The following CMTM3 variants were observed in gnomAD, a reference collection of about 807,000 sequenced individuals.
CMTM3 encodes CKLF like MARVEL transmembrane domain containing 3.
CMTM3 carries 7 observed loss-of-function variants against 18.2 expected under a neutral mutation model. The observed-to-expected ratio is 0.38, with a 90% confidence interval of 0.22 to 0.72. CMTM3 has a LOEUF of 0.72. Ranked by LOEUF, CMTM3 falls within the 30% of genes least tolerant of loss-of-function variation. The pLI, the probability that CMTM3 is intolerant of heterozygous loss-of-function variation, is 0.46. For synonymous variants in CMTM3, 109 were observed against 111.2 expected, an observed-to-expected ratio of 0.98 and a Z score of 0.12; for missense variants, 227 against 249.2, an observed-to-expected ratio of 0.91 and a Z score of 0.60.
chr16:66,610,108 C>A lies in CMTM3; in HGVS notation c.520+105C>A. 7.0e-7 allele frequency: 1 copy of A among 1,432,172 alleles called. No individual in the cohort carries two copies. Among genetic ancestry groups the A allele is most frequent in the South Asian group, 1.3e-5 (1 of 79,812 alleles). 88.7% of individuals were successfully genotyped at this position (1,432,172 alleles called of 1,614,324 possible). On this transcript the variant is annotated intron_variant, in intron 4 of 4. Transcript: ENST00000567572. This position sits in a 1 kb window ranked among gnomAD's most constrained non-coding sequence, Gnocchi z 4.6. ...TGGGGTGGGATCATTTCCTCTCTCC[C>A]CATGGCAGGAAGTGTTTTCACAGCC...
chr16:66,606,659 C>T (rs2015166267), intron 1 of CMTM3, among the ~76,000 whole-genome samples: 1 of 152,128 alleles, frequency 6.6e-6, no homozygotes, highest in Non-Finnish European at 1.5e-5. Context: ...AAACCAGGGA[C>T]AGATGGCCTC....
Position 66,609,589 on chromosome 16 carries a change from G to A in CMTM3, c.399+59G>A. 1 of 1,532,622 alleles carries A rather than the reference G, an allele frequency of 6.5e-7. No individual in the cohort carries two copies. The highest frequency in any genetic ancestry group is 2.0e-5 in the Admixed American group (1 of 51,194). The allele number at this position is 1,532,622 out of a possible 1,614,324, so 94.9% of individuals were successfully genotyped here. On this transcript the variant is annotated intron_variant, in intron 3 of 4. Coordinates refer to ENST00000567572, the MANE Select transcript of CMTM3 (RefSeq NM_181553.4). The surrounding 1 kb of genome is among the most constrained non-coding windows in gnomAD (Gnocchi z 4.4). ...GATGCCCCTCTAGCCCCTCATTTAGGGTGGGACCTGGGGCAGAGCCTTTCC... is the reference window on the plus strand; with the variant it reads ...GATGCCCCTCTAGCCCCTCATTTAGAGTGGGACCTGGGGCAGAGCCTTTCC...
rs2015299034 is a variant in CMTM3 at position 66,609,651 on chromosome 16, A to G, written c.399+121A>G. The G allele has an allele frequency of 3.3e-6, 5 of 1,521,792 alleles. No individual in the cohort carries two copies. In the South Asian group the frequency reaches 6.0e-5, roughly 18 times the overall value. 94.3% of individuals were successfully genotyped at this position (1,521,792 alleles called of 1,614,324 possible). A position where few individuals can be genotyped will look rare whatever the true frequency, so the allele number is the denominator to read the frequency against. On this transcript the variant is annotated intron_variant, in intron 3 of 4. Transcript: ENST00000567572. This position sits in a 1 kb window ranked among gnomAD's most constrained non-coding sequence, Gnocchi z 4.4. Reference sequence around the variant, plus strand: ...CCCCTGGGGTCTCATGTGGGTCCCGATGATGATTCCAAAGTCCTCTCATTA... The same window carrying G: ...CCCCTGGGGTCTCATGTGGGTCCCGGTGATGATTCCAAAGTCCTCTCATTA...
rs1326714056 is a variant in CMTM3, at chr16:66,605,486, T to A, written c.147+534T>A. The stretch of plus-strand genomic sequence containing the variant: ...TCCCCTCCGCGGCCGGGCTCCTTCC[T>A]ACTCCGCCCTCGCCCCCACCCCGGC... On this transcript the variant is annotated intron_variant, in intron 1 of 4. Transcript: ENST00000567572. The surrounding 1 kb of genome is among the most constrained non-coding windows in gnomAD (Gnocchi z 4.6). The A allele has an allele frequency of 1.3e-5, 2 of 152,620 alleles. No homozygotes were observed. The highest frequency in any genetic ancestry group is 4.8e-5 in the African/African-American group (2 of 41,452). 9.5% of individuals were successfully genotyped at this position (152,620 alleles called of 1,614,324 possible).
intron 4 of CMTM3, among the ~76,000 whole-genome samples, chr16:66,611,546 G>A (rs1231266376): frequency 6.6e-6 from 1 of 152,154 alleles, no homozygotes. Flanking sequence ...GGACTAGGCT[G>A]CCCACACCCC....
rs1438431517 is a variant in CMTM3, at chr16:66,605,035, C to T, written c.147+83C>T. 8 of 1,238,948 alleles carry T rather than the reference C, an allele frequency of 6.5e-6. No individual in the cohort carries two copies. Among genetic ancestry groups the T allele is most frequent in the Middle Eastern group, 2.8e-4 (1 of 3,600 alleles). 76.7% of individuals were successfully genotyped at this position (1,238,948 alleles called of 1,614,324 possible). ...AGGACGTCGGGGCGCGGGTGGGGTC[C>T]GGGGGCGGCCGCCGTGCTCCGATAC... On this transcript the variant is annotated intron_variant, in intron 1 of 4. Coordinates refer to ENST00000567572, the MANE Select transcript of CMTM3 (RefSeq NM_181553.4). The surrounding 1 kb of genome is among the most constrained non-coding windows in gnomAD (Gnocchi z 4.6).
Position 66,612,491 on chromosome 16 carries a change from C to A in CMTM3, c.521-118C>A. The A allele has an allele frequency of 1.0e-6, 1 of 999,048 alleles. No individual in the cohort carries two copies. Among genetic ancestry groups the A allele is most frequent in the Non-Finnish European group, 1.5e-6 (1 of 656,336 alleles). 61.9% of individuals were successfully genotyped at this position (999,048 alleles called of 1,614,324 possible). A position where few individuals can be genotyped will look rare whatever the true frequency, so the allele number is the denominator to read the frequency against. On this transcript the variant is annotated intron_variant, in intron 4 of 4. Transcript: ENST00000567572. This position sits in a 1 kb window ranked among gnomAD's most constrained non-coding sequence, Gnocchi z 6.0. ...CGATCACTGGGAACGGTAGAGTCAGCTGCAGGAGGCCTGCACCCAGGCTCC... is the reference window on the plus strand; with the variant it reads ...CGATCACTGGGAACGGTAGAGTCAGATGCAGGAGGCCTGCACCCAGGCTCC...
chr16:66,604,700 A>T, upstream of CMTM3: 1 of 887,010 alleles, frequency 1.1e-6, no homozygotes, highest in South Asian at 5.5e-5. Flanking sequence ...CCCCTGCGCG[A>T]GCCAGTGTCG....
At position 66,609,614 on chromosome 16, in the gene CMTM3, C is replaced by T. The variant is rs2144747748; in HGVS notation, c.399+84C>T. 2.4e-5 allele frequency: 36 copies of T among 1,516,630 alleles called. No homozygotes were observed. In the South Asian group the frequency reaches 4.3e-4, roughly 18 times the overall value. The allele number at this position is 1,516,630 out of a possible 1,614,324, so 93.9% of individuals were successfully genotyped here. ...GGTGGGACCTGGGGCAGAGCCTTTC[C>T]CTGCTGGGGCCCCCCTGGGGTCTCA... On this transcript the variant is annotated intron_variant, in intron 3 of 4. Transcript: ENST00000567572. The surrounding 1 kb of genome is among the most constrained non-coding windows in gnomAD (Gnocchi z 4.4).
At position 66,612,392 on chromosome 16, in the gene CMTM3, CA is replaced by C. The variant is rs147051106; in HGVS notation, c.521-207del. ...CTGTCTCAAAGACAAAAAACAACAA[CA>C]AAAAAAAAAGAGAGAGAGAAAGTGG... On this transcript the variant is annotated intron_variant, in intron 4 of 4. Coordinates refer to ENST00000567572, the MANE Select transcript of CMTM3 (RefSeq NM_181553.4). This position sits in a 1 kb window ranked among gnomAD's most constrained non-coding sequence, Gnocchi z 6.0. Among the ~76,000 whole-genome samples, 20 of 147,788 alleles carry C rather than the reference CA, an allele frequency of 1.4e-4. No homozygotes were observed. Among genetic ancestry groups the C allele is most frequent in the East Asian group, 5.9e-4 (3 of 5,072 alleles).
rs1567397777 is a variant in CMTM3 at position 66,613,402 on chromosome 16, C to T, written c.*765C>T. 4.8e-6 allele frequency: 2 copies of T among 414,862 alleles called. No individual in the cohort carries two copies. Among genetic ancestry groups the T allele is most frequent in the Non-Finnish European group, 8.8e-6 (2 of 228,334 alleles). The allele number at this position is 414,862 out of a possible 1,614,324, so 25.7% of individuals were successfully genotyped here. A position where few individuals can be genotyped will look rare whatever the true frequency, so the allele number is the denominator to read the frequency against. On this transcript the variant is annotated 3_prime_UTR_variant, in exon 5 of 5. Transcript: ENST00000567572. ...GGGGAGCTGGGCGGGCCCAGCCAAA[C>T]CCTCCTTCTTCCTAGAGCCCAGCCA...
chr16:66,607,663 T>C (rs1457796892), intron 1 of CMTM3, among the ~76,000 whole-genome samples: 2 of 152,300 alleles, frequency 1.3e-5, no homozygotes, highest in South Asian at 2.1e-4. Flanking sequence ...TGGAAACTGG[T>C]TCCTGCCTCG....
In CMTM3 at chr16:66,609,349, C is replaced by A; in HGVS notation, c.304-86C>A. The stretch of plus-strand genomic sequence containing the variant: ...GAGCCCTCAGGTGCTAGGCCTGGGG[C>A]TGGGAACACGACCAGGCTGCCAGGC... On this transcript the variant is annotated intron_variant, in intron 2 of 4. Coordinates refer to ENST00000567572, the MANE Select transcript of CMTM3 (RefSeq NM_181553.4). This position sits in a 1 kb window ranked among gnomAD's most constrained non-coding sequence, Gnocchi z 4.4. 2.5e-6 allele frequency: 3 copies of A among 1,194,028 alleles called. 1 individual carries two copies. The highest frequency in any genetic ancestry group is 2.6e-5 in the South Asian group (2 of 76,234). The allele number at this position is 1,194,028 out of a possible 1,614,324, so 74.0% of individuals were successfully genotyped here.
rs770223705 is a variant in CMTM3, at chr16:66,609,525, G to A, written c.394G>A (p.Ala132Thr). 119 of 1,597,142 alleles carry A rather than the reference G, an allele frequency of 7.5e-5. No individual in the cohort carries two copies. The highest frequency in any genetic ancestry group is 1.6e-4 in the Middle Eastern group (1 of 6,070). Residue 132 changes from alanine (A) to threonine (T), a missense_variant, in exon 3 of 5, where the codon GCT becomes ACT. Transcript: ENST00000567572. This position sits in a 1 kb window ranked among gnomAD's most constrained non-coding sequence, Gnocchi z 4.4. ...AKYSDGASKA[A>T]GVFGFFATIV... ...GTACTCGGATGGGGCTTCCAAAGCC[G>A]CTGGGGTGAGCAGCCGCCCCACCCC...
rs1019880071 is a variant in CMTM3 at position 66,604,820 on chromosome 16, C to A, written c.15C>A (p.Asp5Glu). The A allele has an allele frequency of 1.0e-5, 13 of 1,301,902 alleles. No homozygotes were observed. In the South Asian group the frequency reaches 1.6e-4, roughly 16 times the overall value. 80.6% of individuals were successfully genotyped at this position (1,301,902 alleles called of 1,614,324 possible). Residue 5 changes from aspartate to glutamate, a missense_variant, in exon 1 of 5, where the codon GAC becomes GAA. Asp to Glu is a conservative substitution (Grantham distance 45, BLOSUM62 2). Transcript: ENST00000567572. MWPP[D>E]PDPDPDPEPA... ...CCGCCGCCGCCATGTGGCCCCCAGA[C>A]CCCGACCCCGACCCGGACCCCGAGC...
Position 66,613,310 on chromosome 16 carries a change from A to C in CMTM3, c.*673A>C, listed in dbSNP as rs1476015556. ...TCTGGGTCTAAGACTGTTTCAAAGA[A>C]GAGCTCATAGACTGACTGGTCCAGA... On this transcript the variant is annotated 3_prime_UTR_variant, in exon 5 of 5. Coordinates refer to ENST00000567572, the MANE Select transcript of CMTM3 (RefSeq NM_181553.4). 5.0e-6 allele frequency: 3 copies of C among 597,952 alleles called. No individual in the cohort carries two copies. The highest frequency in any genetic ancestry group is 1.9e-5 in the African/African-American group (1 of 53,996). 37.0% of individuals were successfully genotyped at this position (597,952 alleles called of 1,614,324 possible).
upstream of CMTM3, chr16:66,604,584 G>A (rs2015049946): frequency 5.9e-6 from 2 of 340,948 alleles, no homozygotes; most frequent in Non-Finnish European, 1.0e-5. Context: ...CCAGGCCGGG[G>A]AGGGGGCGGG....
chr16:66,608,421 T>C lies in CMTM3; in HGVS notation c.260T>C (p.Met87Thr). The C allele has an allele frequency of 6.2e-7, 1 of 1,614,228 alleles. No individual in the cohort carries two copies. Among genetic ancestry groups the C allele is most frequent in the Non-Finnish European group, 8.5e-7 (1 of 1,180,046 alleles). Residue 87 changes from methionine to threonine, a missense_variant, in exon 2 of 5, where the codon ATG becomes ACG. Physicochemically the swap from Met to Thr is moderately conservative, Grantham distance 81. Transcript: ENST00000567572. The surrounding 1 kb of genome is among the most constrained non-coding windows in gnomAD (Gnocchi z 5.1). ...LALYFLFADA[M>T]QLNDKWQGLC... The stretch of plus-strand genomic sequence containing the variant: ...TTGTACTTCCTCTTTGCTGATGCCA[T>C]GCAGCTGAATGACAAGTGGCAGGGC...
Position 66,608,287 on chromosome 16 carries a change from A to C in CMTM3, c.148-22A>C, listed in dbSNP as rs1439990887. 1.9e-6 allele frequency: 3 copies of C among 1,613,398 alleles called. No individual in the cohort carries two copies. In the Admixed American group the frequency reaches 5.0e-5, roughly 27 times the overall value. The stretch of plus-strand genomic sequence containing the variant: ...AGGAACATGAAAAGGCTCTGACTTC[A>C]CCTCAAACTCCTTCCCCGCAGGGTC... On this transcript the variant is annotated intron_variant, in intron 1 of 4. Transcript: ENST00000567572. This position sits in a 1 kb window ranked among gnomAD's most constrained non-coding sequence, Gnocchi z 5.1.
Sources: gnomAD v4.1 joint callset for allele counts (sites outside exome capture counted in the v4.1 genomes callset) on GRCh38, gnomAD v4.1.1 for gene constraint, Gnocchi (gnomAD v3.1) non-coding constraint, MANE v1.5 for transcripts, NCBI Gene and HGNC (gene_info 2026-07-23, HGNC 2026-07-21) for gene names.